Variants in JMJD1C observed in about 807,000 individuals in gnomAD.
JMJD1C encodes the protein jumonji domain-containing protein 1C.
Under a neutral mutation model 245.3 loss-of-function variants are expected in JMJD1C, and 31 were observed. The observed-to-expected ratio is 0.13, with a 90% CI of 0.09 to 0.17. The LOEUF is 0.17. Ranked by LOEUF, JMJD1C falls within the 10% of genes least tolerant of loss-of-function variation. The pLI, the probability that JMJD1C is intolerant of heterozygous loss-of-function variation, is 1.00. For synonymous variants in JMJD1C, 1,057 were observed against 1,017.4 expected (o/e 1.04, Z -0.74); for missense variants, 2,691 against 3,000.2 (o/e 0.90, Z 2.41).
At chr10:63,505,410 A>C (rs1000365005) in intron 1 of JMJD1C, among the ~76,000 whole-genome samples, 2 of 152,120 alleles carry the variant, frequency 1.3e-5, no homozygotes, top group African/African-American at 4.8e-5. Flanking sequence ...GAGGATGCTA[A>C]GTAACACAAA....
intron 1 of JMJD1C, among the ~76,000 whole-genome samples, chr10:63,412,452 T>A (rs149647459): frequency 1.8e-3 from 269 of 152,334 alleles, no homozygotes; most frequent in Middle Eastern, 3.4e-3. Context: ...TATTGCAATA[T>A]GGTATTTAGT....
At chr10:63,311,551 T>G (rs1420330143) in intron 2 of JMJD1C, among the ~76,000 whole-genome samples, 1 of 152,192 alleles carries the variant, frequency 6.6e-6, no homozygotes, top group Admixed American at 6.6e-5. Context: ...TATGGATAAA[T>G]GTATTCTGAC....
chr10:63,313,210 A>G (rs1000400290), intron 2 of JMJD1C, among the ~76,000 whole-genome samples: 2 of 152,192 alleles, frequency 1.3e-5, no homozygotes, highest in African/African-American at 4.8e-5. Flanking sequence ...TTGGTTTTTC[A>G]TTCCTGAGTT....
At chr10:63,438,813 C>A (rs1310391913) in intron 1 of JMJD1C, among the ~76,000 whole-genome samples, 1 of 152,172 alleles carries the variant, frequency 6.6e-6, no homozygotes, top group Non-Finnish European at 1.5e-5. Context: ...GTCACCTACT[C>A]GGAGAGGCAT....
intron 1 of JMJD1C, among the ~76,000 whole-genome samples, chr10:63,380,699 T>G (rs192352720): frequency 2.4e-4 from 36 of 152,338 alleles, no homozygotes; most frequent in African/African-American, 7.2e-4. Context: ...TCTAGCTATT[T>G]TGAAAAATAC....
chr10:63,403,711 G>A (rs1948998538), intron 1 of JMJD1C, among the ~76,000 whole-genome samples: 1 of 152,218 alleles, frequency 6.6e-6, no homozygotes. Flanking sequence ...GGCCAAGGCA[G>A]GCGGATCACA....
In JMJD1C at chr10:63,305,017, T is replaced by C. The variant is rs1400661425; in HGVS notation, c.334-40253A>G. ...AACCAGGCATGGTGCCATGTGCCTG[T>C]AGACCCAGTGACTCGGGAGGCTGAG... On this transcript the variant is annotated intron_variant, in intron 2 of 25. Transcript: ENST00000399262. Among the ~76,000 whole-genome samples, 3 of 152,082 alleles carry C rather than the reference T, an allele frequency of 2.0e-5. No homozygotes were observed. In the East Asian group the frequency reaches 5.8e-4, roughly 29 times the overall value.
At position 63,264,879 on chromosome 10, in the gene JMJD1C, T is replaced by C. The variant is rs149431567; in HGVS notation, c.334-115A>G. On this transcript the variant is annotated intron_variant, in intron 2 of 25. Coordinates refer to ENST00000399262, the MANE Select transcript of JMJD1C (RefSeq NM_032776.3). ...TCATTATCACTACAGAGTCTTAGGG[T>C]ACCTAATATTAATTTTCATATTATA... 1,110 of 517,872 alleles carry C rather than the reference T, an allele frequency of 2.1e-3. 14 individuals are homozygous for C. Among genetic ancestry groups the C allele is most frequent in the African/African-American group, 0.02 (989 of 49,846 alleles). 32.1% of individuals were successfully genotyped at this position (517,872 alleles called of 1,614,324 possible). A position where few individuals can be genotyped will look rare whatever the true frequency, so the allele number is the denominator to read the frequency against.
At chr10:63,249,724 G>A (rs1481245381) in intron 3 of JMJD1C, among the ~76,000 whole-genome samples, 1 of 152,054 alleles carries the variant, frequency 6.6e-6, no homozygotes. Flanking sequence ...GCCAGGCGTG[G>A]TGGCGTGCGC....
At chr10:63,280,440 C>G (rs529435770) in intron 2 of JMJD1C, among the ~76,000 whole-genome samples, 49 of 152,172 alleles carry the variant, frequency 3.2e-4, no homozygotes, top group Admixed American at 2.0e-3. Flanking sequence ...GTCCCAGTTA[C>G]TCGGGAGGCT....
At chr10:63,223,049 T>G in intron 3 of JMJD1C, 1 of 1,173,594 alleles carries the variant, frequency 8.5e-7, no homozygotes, top group East Asian at 2.3e-5. Flanking sequence ...TGGAATATAA[T>G]TGGTATATGT....
At chr10:63,345,876 C>A in intron 2 of JMJD1C, among the ~76,000 whole-genome samples, 1 of 151,904 alleles carries the variant, frequency 6.6e-6, no homozygotes, top group South Asian at 2.1e-4. Flanking sequence ...AAGTAAAGCA[C>A]GGTCTTTAAC....
At position 63,177,819 on chromosome 10, in the gene JMJD1C, G is replaced by A. The variant is rs1176843231; in HGVS notation, c.7122C>T (p.Asp2374=). The part of the protein sequence containing the change: ...LKKFEEEDLD[D]ILRKRLKDSS... ...AGTCCTTCAATCTTTTCCTTAAAAT[G>A]TCATCCAAATCTTCTTCCTCAAATT... The change falls in exon 23 of 26, where the codon GAC becomes GAT. Residue 2374 remains aspartate, a synonymous_variant. Transcript: ENST00000399262. 2 of 1,613,366 alleles carry A rather than the reference G, an allele frequency of 1.2e-6. No homozygotes were observed. The highest frequency in any genetic ancestry group is 1.7e-6 in the Non-Finnish European group (2 of 1,179,746).
intron 2 of JMJD1C, among the ~76,000 whole-genome samples, chr10:63,280,149 T>C (rs1857228920): frequency 6.6e-6 from 1 of 152,034 alleles, no homozygotes; most frequent in Non-Finnish European, 1.5e-5. Context: ...AGACTTCATA[T>C]CAATTTAAAA....
At chr10:63,371,727 T>A (rs1480998689) in intron 2 of JMJD1C, among the ~76,000 whole-genome samples, 1 of 152,212 alleles carries the variant, frequency 6.6e-6, no homozygotes, top group Admixed American at 6.5e-5. Context: ...CCACAAGATA[T>A]GAGTGTGTGA....
At chr10:63,439,355 C>T (rs964582864) in intron 1 of JMJD1C, among the ~76,000 whole-genome samples, 3 of 152,144 alleles carry the variant, frequency 2.0e-5, no homozygotes, top group African/African-American at 4.8e-5. Context: ...AGAACCTCCA[C>T]GCAAACCACA....
At chr10:63,174,053 G>GAAGCA (rs1403512191) in intron 24 of JMJD1C, among the ~76,000 whole-genome samples, 1 of 152,188 alleles carries the variant, frequency 6.6e-6, no homozygotes, top group African/African-American at 2.4e-5. Context: ...CACTAGTGAG[G>GAAGCA]AAGCAGAGGA....
At chr10:63,404,590 TTA>T (rs1265185519) in intron 1 of JMJD1C, among the ~76,000 whole-genome samples, 4 of 152,082 alleles carry the variant, frequency 2.6e-5, no homozygotes, top group African/African-American at 7.2e-5. Flanking sequence ...GAAGTAAAAA[TTA>T]TCTCTTAATA....
chr10:63,375,515 T>A (rs60933967), intron 2 of JMJD1C, among the ~76,000 whole-genome samples: 5,599 of 147,708 alleles, frequency 0.038, 336 homozygotes, highest in East Asian at 0.3. Flanking sequence ...GTTCAAAGAC[T>A]AGAAGACTTA....
Sources: gnomAD v4.1 joint callset for allele counts (sites outside exome capture counted in the v4.1 genomes callset) on GRCh38, gnomAD v4.1.1 for gene constraint, MANE v1.5 for transcripts, NCBI Gene and HGNC (gene_info 2026-07-23, HGNC 2026-07-21) for gene names.